ROR1: variants seen among roughly 807,000 people sequenced by gnomAD.
ROR1 encodes the protein ROR family WNT receptor 1, also known as inactive tyrosine-protein kinase transmembrane receptor ROR1.
Under a neutral mutation model 78.8 loss-of-function variants are expected in ROR1, and 19 were observed. The observed-to-expected ratio is 0.24, with a 90% CI of 0.17 to 0.35. ROR1 has a LOEUF of 0.35. Ranked by LOEUF, ROR1 falls within the 10% of genes least tolerant of loss-of-function variation. The probability of loss-of-function intolerance (pLI) is 1.00; values close to 1 mark genes in which losing one functional copy is unlikely to be tolerated. For missense variants in ROR1, 917 were observed against 1,177.8 expected (o/e 0.78, Z 3.24); for synonymous variants, 386 against 433.6 (o/e 0.89, Z 1.36).
At position 63,980,028 on chromosome 1, in the gene ROR1, G is replaced by A. The variant is rs150956214; in HGVS notation, c.92-29277G>A. On this transcript the variant is annotated intron_variant, in intron 1 of 8. Coordinates refer to ENST00000371079, the MANE Select transcript of ROR1 (RefSeq NM_005012.4). The stretch of plus-strand genomic sequence containing the variant: ...TTAAAGGGAATAAATGAGAAGGAGA[G>A]AGAGGTCTTTCATGGACCAATGATG... Among the ~76,000 whole-genome samples the A allele has an allele frequency of 2.8e-3, 427 of 151,670 alleles. 1 individual carries two copies. Among genetic ancestry groups the A allele is most frequent in the African/African-American group, 9.5e-3 (394 of 41,346 alleles).
At chr1:63,843,921 C>T (rs1415409459) in intron 1 of ROR1, among the ~76,000 whole-genome samples, 1 of 152,146 alleles carries the variant, frequency 6.6e-6, no homozygotes, top group East Asian at 1.9e-4. Flanking sequence ...ATAAATCTGA[C>T]TCTTCCCTGC....
chr1:63,899,924 G>A (rs931723100), intron 1 of ROR1, among the ~76,000 whole-genome samples: 4 of 151,868 alleles, frequency 2.6e-5, no homozygotes, highest in Non-Finnish European at 5.9e-5. Context: ...TTAAATATCC[G>A]AACAGACACC....
chr1:64,000,108 G>C (rs1209899461), intron 1 of ROR1, among the ~76,000 whole-genome samples: 3 of 152,104 alleles, frequency 2.0e-5, no homozygotes, highest in Non-Finnish European at 4.4e-5. Context: ...AACTCCATAA[G>C]ACAAAGACAG....
chr1:64,167,031 T>A (rs750956038), intron 8 of ROR1, among the ~76,000 whole-genome samples: 2 of 152,222 alleles, frequency 1.3e-5, no homozygotes, highest in African/African-American at 2.4e-5. Flanking sequence ...ATTTTTAGGA[T>A]GAGAAAACTG....
chr1:63,818,220 A>G (rs1282337550), intron 1 of ROR1, among the ~76,000 whole-genome samples: 1 of 152,184 alleles, frequency 6.6e-6, no homozygotes, highest in Non-Finnish European at 1.5e-5. Context: ...AAAGGATCTG[A>G]GTTTTCAAAA....
intron 4 of ROR1, among the ~76,000 whole-genome samples, chr1:64,119,638 C>CAAA (rs11338825): frequency 8.0e-5 from 6 of 75,468 alleles, no homozygotes; most frequent in Non-Finnish European, 1.0e-4. Context: ...GGCTCCGTCT[C>CAAA]AAAAAAAAAA....
intron 4 of ROR1, among the ~76,000 whole-genome samples, chr1:64,088,322 A>C (rs1329171613): frequency 6.6e-6 from 1 of 152,150 alleles, no homozygotes; most frequent in Non-Finnish European, 1.5e-5. Flanking sequence ...TTAGAGTCTT[A>C]CCAGGTGCCA....
At chr1:64,104,981 A>G (rs1647736243) in intron 4 of ROR1, among the ~76,000 whole-genome samples, 1 of 152,206 alleles carries the variant, frequency 6.6e-6, no homozygotes, top group Admixed American at 6.5e-5. Context: ...ATACCCAGTA[A>G]TGGGGCTGCT....
chr1:63,877,914 G>A (rs148758990), intron 1 of ROR1, among the ~76,000 whole-genome samples: 118 of 152,272 alleles, frequency 7.7e-4, no homozygotes, highest in African/African-American at 2.7e-3. Context: ...GTTAATGTGC[G>A]CAGGTGAGGC....
chr1:63,914,317 A>T (rs1460268994), intron 1 of ROR1, among the ~76,000 whole-genome samples: 1 of 152,220 alleles, frequency 6.6e-6, no homozygotes, highest in Non-Finnish European at 1.5e-5. Flanking sequence ...AAGAATGATC[A>T]AGTGTGGCCC....
At chr1:63,900,251 C>T (rs940871744) in intron 1 of ROR1, among the ~76,000 whole-genome samples, 4 of 151,956 alleles carry the variant, frequency 2.6e-5, no homozygotes, top group East Asian at 1.9e-4. Flanking sequence ...GTCAGGAGTT[C>T]GAGATCACCC....
intron 1 of ROR1, among the ~76,000 whole-genome samples, chr1:63,906,368 T>C (rs1235515974): frequency 6.6e-6 from 1 of 152,244 alleles, no homozygotes; most frequent in Non-Finnish European, 1.5e-5. Flanking sequence ...GCGCACGTGC[T>C]ATCAAGATTT....
At chr1:64,145,348 A>G (rs758081441) in intron 7 of ROR1, among the ~76,000 whole-genome samples, 4 of 152,218 alleles carry the variant, frequency 2.6e-5, no homozygotes, top group Non-Finnish European at 4.4e-5. Context: ...AGTTTTAAAA[A>G]TATTGAAAAG....
chr1:63,955,394 A>G (rs1645973102), intron 1 of ROR1, among the ~76,000 whole-genome samples: 1 of 152,066 alleles, frequency 6.6e-6, no homozygotes, highest in Non-Finnish European at 1.5e-5. Flanking sequence ...TGAATCAGAA[A>G]TCTTATTTAT....
chr1:63,819,641 G>A (rs1644912675), intron 1 of ROR1, among the ~76,000 whole-genome samples: 1 of 152,168 alleles, frequency 6.6e-6, no homozygotes, highest in South Asian at 2.1e-4. Flanking sequence ...AGGCAGTAGA[G>A]AGAAGAAAAA....
At chr1:64,085,877 G>C (rs559310436) in intron 4 of ROR1, among the ~76,000 whole-genome samples, 58 of 152,162 alleles carry the variant, frequency 3.8e-4, no homozygotes, top group Non-Finnish European at 7.2e-4. Context: ...TGTTGTAAAA[G>C]GGGTTAATTG....
At chr1:64,079,769 A>G (rs1330700955) in intron 4 of ROR1, among the ~76,000 whole-genome samples, 1 of 152,062 alleles carries the variant, frequency 6.6e-6, no homozygotes, top group Non-Finnish European at 1.5e-5. Flanking sequence ...AGCATGAGCC[A>G]CCGTATCTGG....
chr1:64,040,309 CT>C (rs925095390), intron 2 of ROR1, among the ~76,000 whole-genome samples: 1 of 152,132 alleles, frequency 6.6e-6, no homozygotes, highest in African/African-American at 2.4e-5. Context: ...AGTTAAAAGA[CT>C]TTGGTCATAT....
At chr1:63,786,062 G>A (rs1009373066) in intron 1 of ROR1, among the ~76,000 whole-genome samples, 2 of 151,890 alleles carry the variant, frequency 1.3e-5, no homozygotes, top group Non-Finnish European at 2.9e-5. Context: ...GAGCTGAACT[G>A]AGCATGTCCA....
Sources: gnomAD v4.1 joint callset for allele counts (sites outside exome capture counted in the v4.1 genomes callset) on GRCh38, gnomAD v4.1.1 for gene constraint, MANE v1.5 for transcripts, NCBI Gene and HGNC (gene_info 2026-07-23, HGNC 2026-07-21) for gene names.